The following RASEF variants were observed in gnomAD, a reference collection of about 807,000 sequenced individuals.
The protein encoded by RASEF is ras and EF-hand domain-containing protein.
RASEF carries 68 observed loss-of-function variants against 90.1 expected under a neutral mutation model. That is an observed-to-expected ratio of 0.75 (90% CI 0.62 to 0.92). RASEF has a LOEUF of 0.92. Among genes scored for constraint, RASEF ranks in the 40% least tolerant of loss-of-function variants. The pLI, the probability that RASEF is intolerant of heterozygous loss-of-function variation, is 0.00. For synonymous variants in RASEF, 331 were observed against 345.2 expected (o/e 0.96, Z 0.46); for missense variants, 949 against 937.2 (o/e 1.01, Z -0.16).
At chr9:83,029,886 G>A (rs1387319512) in intron 1 of RASEF, among the ~76,000 whole-genome samples, 1 of 152,132 alleles carries the variant, frequency 6.6e-6, no homozygotes, top group Non-Finnish European at 1.5e-5. Context: ...TACAAATTCT[G>A]GTTGCAATAG....
intron 3 of RASEF, among the ~76,000 whole-genome samples, chr9:83,021,222 G>T (rs1382752990): frequency 1.3e-5 from 2 of 152,290 alleles, no homozygotes; most frequent in Non-Finnish European, 2.9e-5. Flanking sequence ...AGGCAGGTAG[G>T]TTGCATTATC....
chr9:83,060,480 T>A (rs1830184159), intron 1 of RASEF, among the ~76,000 whole-genome samples: 1 of 152,174 alleles, frequency 6.6e-6, no homozygotes, highest in Admixed American at 6.5e-5. Context: ...CTACATACTA[T>A]CCTTCTCTTT....
At chr9:83,146,869 A>G in the RASEF span, among the ~76,000 whole-genome samples, 7 of 152,080 alleles carry the variant, frequency 4.6e-5, no homozygotes, top group Admixed American at 3.9e-4. Flanking sequence ...ACGTGAAGCT[A>G]ACAAAAATTA....
At chr9:83,214,410 T>G in the RASEF span, among the ~76,000 whole-genome samples, 1 of 152,120 alleles carries the variant, frequency 6.6e-6, no homozygotes, top group Admixed American at 6.5e-5. Flanking sequence ...AAATATTAAT[T>G]AATTTTTAAA....
chr9:83,113,438 A>G, the RASEF span, among the ~76,000 whole-genome samples: 2 of 152,244 alleles, frequency 1.3e-5, no homozygotes, highest in Non-Finnish European at 2.9e-5. Flanking sequence ...AAAGAACAGA[A>G]TAACAGTGAT....
chr9:83,018,362 C>T (rs996811406), intron 3 of RASEF, among the ~76,000 whole-genome samples: 3 of 152,138 alleles, frequency 2.0e-5, no homozygotes, highest in Admixed American at 2.0e-4. Flanking sequence ...TTTAGAAATA[C>T]TATTTACAGT....
At position 83,009,714 on chromosome 9, in the gene RASEF, TTGTC is replaced by T. The variant is rs1829203965; in HGVS notation, c.882_885del (p.Asn296Ter). The T allele has an allele frequency of 6.8e-6, 11 of 1,613,648 alleles. No homozygotes were observed. Among genetic ancestry groups the T allele is most frequent in the Non-Finnish European group, 8.5e-6 (10 of 1,179,654 alleles). On this transcript the variant is annotated frameshift_variant, in exon 6 of 17. Transcript: ENST00000376447. LOFTEE classifies it high-confidence loss of function. ...AACTCACTCTGAAGAAAGGCTATGT[TTGTC>T]TGTGCTTCTAAAAGGTCTTTCTTAA...
intron 1 of RASEF, among the ~76,000 whole-genome samples, chr9:83,059,521 G>A (rs1025239612): frequency 2.6e-5 from 4 of 152,124 alleles, no homozygotes; most frequent in Non-Finnish European, 5.9e-5. Flanking sequence ...TATCTCCTGA[G>A]TATGAAACTC....
intron 6 of RASEF, among the ~76,000 whole-genome samples, chr9:83,008,268 T>C (rs1395241112): frequency 6.6e-6 from 1 of 152,214 alleles, no homozygotes; most frequent in Non-Finnish European, 1.5e-5. Context: ...AAAGTACACA[T>C]TTCCTAATTG....
At chr9:83,028,915 T>A (rs1345587219) in intron 1 of RASEF, among the ~76,000 whole-genome samples, 1 of 152,032 alleles carries the variant, frequency 6.6e-6, no homozygotes, top group Non-Finnish European at 1.5e-5. Context: ...AACCCAGACA[T>A]ACACACAGAG....
At chr9:83,169,738 T>C in the RASEF span, among the ~76,000 whole-genome samples, 2 of 152,160 alleles carry the variant, frequency 1.3e-5, no homozygotes, top group Non-Finnish European at 2.9e-5. Context: ...GTCATTTGTA[T>C]GTCTTCTTTT....
At chr9:83,215,217 C>T in the RASEF span, among the ~76,000 whole-genome samples, 1 of 152,052 alleles carries the variant, frequency 6.6e-6, no homozygotes, top group South Asian at 2.1e-4. Context: ...GAGCCACCTC[C>T]ACCACTCAAT....
chr9:83,041,314 G>C (rs2118640897), intron 1 of RASEF, among the ~76,000 whole-genome samples: 1 of 152,274 alleles, frequency 6.6e-6, no homozygotes, highest in South Asian at 2.1e-4. Flanking sequence ...CAAAAGACAT[G>C]TCACCGAGTT....
intron 7 of RASEF, among the ~76,000 whole-genome samples, chr9:83,005,908 C>T (rs540027685): frequency 3.3e-5 from 5 of 152,234 alleles, no homozygotes; most frequent in Admixed American, 6.5e-5. Flanking sequence ...CCTGGCAGCT[C>T]CTGCATTCTA....
chr9:83,185,987 G>T, the RASEF span, among the ~76,000 whole-genome samples: 2 of 152,034 alleles, frequency 1.3e-5, no homozygotes, highest in Non-Finnish European at 2.9e-5. Flanking sequence ...GGCAAGGGGG[G>T]TGTTAATTCC....
intron 1 of RASEF, among the ~76,000 whole-genome samples, chr9:83,042,186 G>A (rs1477187539): frequency 6.6e-6 from 1 of 152,050 alleles, no homozygotes; most frequent in East Asian, 1.9e-4. Context: ...GAATACAAAA[G>A]CTACTAAAGA....
chr9:83,144,361 A>AAGAC, the RASEF span, among the ~76,000 whole-genome samples: 5 of 122,850 alleles, frequency 4.1e-5, no homozygotes, highest in Non-Finnish European at 8.4e-5. Flanking sequence ...GAAAGAAAGA[A>AAGAC]AGAAAGAAAG....
At chr9:83,043,399 G>GC (rs75614253) in intron 1 of RASEF, among the ~76,000 whole-genome samples, 69 of 143,058 alleles carry the variant, frequency 4.8e-4, no homozygotes, top group African/African-American at 1.9e-3. Flanking sequence ...GCAGTGATTG[G>GC]GGGGGGGGAC....
At chr9:83,160,481 A>T in the RASEF span, among the ~76,000 whole-genome samples, 1 of 152,140 alleles carries the variant, frequency 6.6e-6, no homozygotes, top group Non-Finnish European at 1.5e-5. Context: ...GGTGGAAAAA[A>T]TTTCTAAGCA....
Sources: gnomAD v4.1 joint callset for allele counts (sites outside exome capture counted in the v4.1 genomes callset) on GRCh38, gnomAD v4.1.1 for gene constraint, MANE v1.5 for transcripts, NCBI Gene and HGNC (gene_info 2026-07-23, HGNC 2026-07-21) for gene names.